Variants in KCNIP4 observed in about 807,000 individuals in gnomAD.
KCNIP4 encodes Kv channel-interacting protein 4.
Under a neutral mutation model 34.0 loss-of-function variants are expected in KCNIP4, and 12 were observed. The ratio of observed to expected loss-of-function variants is 0.35; its 90% confidence interval spans 0.23 to 0.57. The LOEUF is 0.57. KCNIP4 is among the 20% of genes least tolerant of loss of function. The pLI is 0.83. For missense variants in KCNIP4, 238 were observed against 311.7 expected (o/e 0.76, Z 1.78); for synonymous variants, 124 against 102.2 (o/e 1.21, Z -1.29).
At chr4:21,668,155 C>G (rs1022338404) in intron 1 of KCNIP4, among the ~76,000 whole-genome samples, 3 of 152,158 alleles carry the variant, frequency 2.0e-5, no homozygotes, top group African/African-American at 7.2e-5. Context: ...ACCGCATGTT[C>G]TCACTCATAA....
chr4:21,547,547 C>T (rs907891028), intron 1 of KCNIP4, among the ~76,000 whole-genome samples: 5 of 151,934 alleles, frequency 3.3e-5, no homozygotes, highest in Non-Finnish European at 5.9e-5. Flanking sequence ...TATCTCTCCT[C>T]TTTGGGCAAC....
rs114764280 is a variant in KCNIP4, at chr4:21,180,932, G to A, written c.62-298223C>T. 6.2e-3 allele frequency among the ~76,000 whole-genome samples: 950 copies of A among 152,080 alleles called. 11 individuals are homozygous for A. Among genetic ancestry groups the A allele is most frequent in the African/African-American group, 0.022 (903 of 41,486 alleles). The stretch of plus-strand genomic sequence containing the variant: ...AATACTTAAAAGTTTATACTGAAAG[G>A]GGAGGATGTGTTAATCTGTTTTAAG... On this transcript the variant is annotated intron_variant, in intron 1 of 8. Coordinates refer to ENST00000382152, the MANE Select transcript of KCNIP4 (RefSeq NM_025221.6).
intron 1 of KCNIP4, among the ~76,000 whole-genome samples, chr4:21,274,184 A>G (rs1762309400): frequency 6.6e-6 from 1 of 152,198 alleles, no homozygotes; most frequent in Non-Finnish European, 1.5e-5. Context: ...TGAACAACAA[A>G]CTAGGATACA....
intron 1 of KCNIP4, among the ~76,000 whole-genome samples, chr4:21,054,257 G>T (rs1052160578): frequency 6.6e-6 from 1 of 152,022 alleles, no homozygotes; most frequent in Non-Finnish European, 1.5e-5. Context: ...GCTGGCTCAC[G>T]TCTATGATAC....
chr4:21,036,865 T>G, intron 1 of KCNIP4, among the ~76,000 whole-genome samples: 1 of 152,372 alleles, frequency 6.6e-6, no homozygotes, highest in Non-Finnish European at 1.5e-5. Flanking sequence ...AAGATTATAA[T>G]TAAACTAAAA....
At chr4:21,346,278 T>C (rs1379299984) in intron 1 of KCNIP4, among the ~76,000 whole-genome samples, 4 of 115,048 alleles carry the variant, frequency 3.5e-5, no homozygotes, top group African/African-American at 1.3e-4. Context: ...TAATATATAA[T>C]ATATATTCAC....
At chr4:21,213,322 G>C (rs1338191020) in intron 1 of KCNIP4, among the ~76,000 whole-genome samples, 1 of 151,578 alleles carries the variant, frequency 6.6e-6, no homozygotes, top group African/African-American at 2.4e-5. Context: ...ATTTTTTTGA[G>C]ATGGGATCTT....
chr4:20,984,625 C>T (rs1736408954), intron 1 of KCNIP4, among the ~76,000 whole-genome samples: 1 of 152,198 alleles, frequency 6.6e-6, no homozygotes, highest in Non-Finnish European at 1.5e-5. Flanking sequence ...GCCTCCCCCG[C>T]CACGCCACTC....
Position 21,045,931 on chromosome 4 carries a change from C to T in KCNIP4, c.62-163222G>A, listed in dbSNP as rs374305728. ...CAGACCGATCCTGCCTTGTTTTGTG[C>T]TATGAGACATTAATGGGATTTTTTG... On this transcript the variant is annotated intron_variant, in intron 1 of 8. Transcript: ENST00000382152. 1.5e-3 allele frequency among the ~76,000 whole-genome samples: 235 copies of T among 152,190 alleles called. 2 individuals carry two copies. Among genetic ancestry groups the T allele is most frequent in the Middle Eastern group, 0.01 (3 of 294 alleles).
chr4:21,426,764 TA>T (rs35747905), intron 1 of KCNIP4, among the ~76,000 whole-genome samples: 14,257 of 147,064 alleles, frequency 0.097, 696 homozygotes, highest in East Asian at 0.18. Context: ...GATAAACATG[TA>T]AAAAAAAAAA....
At chr4:21,634,143 T>C (rs566020621) in intron 1 of KCNIP4, among the ~76,000 whole-genome samples, 2 of 148,528 alleles carry the variant, frequency 1.3e-5, no homozygotes, top group Non-Finnish European at 3.0e-5. Context: ...ATTACTGCAC[T>C]AGACCTTTGA....
intron 1 of KCNIP4, among the ~76,000 whole-genome samples, chr4:21,543,266 T>C (rs2109002404): frequency 6.6e-6 from 1 of 152,236 alleles, no homozygotes; most frequent in African/African-American, 2.4e-5. Context: ...ATCACACAGA[T>C]CTATAAGGCA....
chr4:21,704,456 C>A (rs1713111827), intron 1 of KCNIP4, among the ~76,000 whole-genome samples: 1 of 152,098 alleles, frequency 6.6e-6, no homozygotes, highest in African/African-American at 2.4e-5. Context: ...ATGCAAACCA[C>A]TTATCTGACA....
chr4:21,344,289 A>G (rs906829856), intron 1 of KCNIP4, among the ~76,000 whole-genome samples: 10 of 152,264 alleles, frequency 6.6e-5, no homozygotes, highest in Middle Eastern at 3.4e-3. Context: ...GGAGAATAAA[A>G]GCTTCATGTG....
chr4:21,896,643 A>G (rs1727403334), intron 1 of KCNIP4, among the ~76,000 whole-genome samples: 1 of 152,124 alleles, frequency 6.6e-6, no homozygotes, highest in Admixed American at 6.6e-5. Context: ...ATCATGTCAG[A>G]CATGGTGGCT....
intron 1 of KCNIP4, among the ~76,000 whole-genome samples, chr4:21,911,920 T>C (rs1728357931): frequency 6.6e-6 from 1 of 152,272 alleles, no homozygotes; most frequent in Non-Finnish European, 1.5e-5. Context: ...AAGATACTAA[T>C]ACATACTTTC....
chr4:20,887,541 G>C (rs764379226), intron 1 of KCNIP4, among the ~76,000 whole-genome samples: 24 of 152,022 alleles, frequency 1.6e-4, no homozygotes, highest in Admixed American at 5.2e-4. Context: ...AATAATGTAA[G>C]AATAATTTTT....
intron 1 of KCNIP4, among the ~76,000 whole-genome samples, chr4:20,925,948 T>C (rs891758485): frequency 9.2e-5 from 14 of 152,226 alleles, no homozygotes; most frequent in African/African-American, 2.7e-4. Context: ...TTGTTCCTGA[T>C]AAAAGCTCAT....
intron 1 of KCNIP4, chr4:21,855,625 C>A (rs1404709081): frequency 6.6e-6 from 1 of 152,188 alleles, no homozygotes; most frequent in Non-Finnish European, 1.5e-5. Flanking sequence ...AACTTCCATT[C>A]TTCTATAAGT....
Sources: allele counts gnomAD v4.1 joint callset (sites outside exome capture counted in the v4.1 genomes callset), GRCh38; gene constraint gnomAD v4.1.1; transcripts MANE v1.5; gene names NCBI Gene and HGNC (gene_info 2026-07-23, HGNC 2026-07-21).